RGL1: variants seen among roughly 807,000 people sequenced by gnomAD.
RGL1 encodes the protein ral guanine nucleotide dissociation stimulator-like 1.
In RGL1, 24 loss-of-function variants were observed where a neutral mutation model predicts 95.2. The ratio of observed to expected loss-of-function variants is 0.25; its 90% CI spans 0.18 to 0.35. The LOEUF (loss-of-function observed/expected upper bound fraction) is 0.35. Among genes scored for constraint, RGL1 ranks in the 10% least tolerant of loss-of-function variants. RGL1 has a pLI of 1.00. For synonymous variants in RGL1, 329 were observed against 344.9 expected, an observed-to-expected ratio of 0.95 and a Z score of 0.51; for missense variants, 715 against 936.3, an observed-to-expected ratio of 0.76 and a Z score of 3.08.
chr1:183,860,339 C>T (rs1298849220), intron 3 of RGL1, among the ~76,000 whole-genome samples: 1 of 152,168 alleles, frequency 6.6e-6, no homozygotes, highest in East Asian at 1.9e-4. Flanking sequence ...AGGCTCTATT[C>T]CAGGCTCAGT....
At chr1:183,865,608 A>G (rs771718348) in intron 3 of RGL1, among the ~76,000 whole-genome samples, 1 of 152,218 alleles carries the variant, frequency 6.6e-6, no homozygotes, top group African/African-American at 2.4e-5. Flanking sequence ...TGTCCCTTGC[A>G]TAGACATGCA....
chr1:183,905,144 A>T (rs907763335), intron 13 of RGL1, among the ~76,000 whole-genome samples, 173 bp downstream of exon 13: 2 of 152,220 alleles, frequency 1.3e-5, no homozygotes, highest in African/African-American at 4.8e-5. Flanking sequence ...AGTTGATAGC[A>T]TCAAGATGTA....
intron 6 of RGL1, among the ~76,000 whole-genome samples, chr1:183,884,435 A>G (rs1356757699): frequency 6.6e-6 from 1 of 152,184 alleles, no homozygotes; most frequent in Non-Finnish European, 1.5e-5. Context: ...TAGATGGTAA[A>G]TACAAGAGGA....
chr1:183,883,401 T>C (rs1666933044), intron 5 of RGL1, among the ~76,000 whole-genome samples: 1 of 152,212 alleles, frequency 6.6e-6, no homozygotes, highest in African/African-American at 2.4e-5. Flanking sequence ...TGGTTATAAG[T>C]CGCCCAGCAA....
At chr1:183,651,945 T>G (rs938548402) in intron 1 of RGL1, among the ~76,000 whole-genome samples, 5 of 152,220 alleles carry the variant, frequency 3.3e-5, no homozygotes, top group African/African-American at 1.2e-4. Context: ...GCCCAAACTT[T>G]CATGCTTTTT....
chr1:183,819,785 T>C (rs957541324), intron 2 of RGL1, among the ~76,000 whole-genome samples: 4 of 75,208 alleles, frequency 5.3e-5, no homozygotes, highest in African/African-American at 9.6e-5. Context: ...AACATTATAC[T>C]TTTTTTTTTT....
At chr1:183,771,510 G>A (rs1397183774) in intron 2 of RGL1, among the ~76,000 whole-genome samples, 1 of 152,206 alleles carries the variant, frequency 6.6e-6, no homozygotes, top group Non-Finnish European at 1.5e-5. Context: ...GTCAAGAGAA[G>A]CTTGACATCA....
At chr1:183,848,616 C>A (rs1465161407) in intron 3 of RGL1, among the ~76,000 whole-genome samples, 1 of 152,004 alleles carries the variant, frequency 6.6e-6, no homozygotes, top group Non-Finnish European at 1.5e-5. Context: ...TGTGCTCATG[C>A]TAAAAATTCT....
intron 16 of RGL1, among the ~76,000 whole-genome samples, chr1:183,919,649 C>T (rs543368168): frequency 1.3e-5 from 2 of 152,280 alleles, no homozygotes; most frequent in East Asian, 1.9e-4. Context: ...TGTAAAATTA[C>T]CTCCTCAGTG....
chr1:183,922,024 C>T (rs1669334324), intron 16 of RGL1, among the ~76,000 whole-genome samples, 198 bp from the exon 17 acceptor site: 1 of 152,180 alleles, frequency 6.6e-6, no homozygotes, highest in African/African-American at 2.4e-5. Flanking sequence ...AGGTGACTCG[C>T]CCATCATCTG....
intron 4 of RGL1, among the ~76,000 whole-genome samples, chr1:183,866,702 T>C (rs1409628835): frequency 2.0e-5 from 3 of 152,150 alleles, no homozygotes; most frequent in African/African-American, 7.2e-5. Flanking sequence ...CTGAGGAAGA[T>C]AAGAAGCGCT....
intron 3 of RGL1, among the ~76,000 whole-genome samples, chr1:183,859,805 C>A (rs1665392749): frequency 6.6e-6 from 1 of 152,188 alleles, no homozygotes; most frequent in African/African-American, 2.4e-5. Flanking sequence ...CTTTGTCTTT[C>A]CCCTTGAATA....
At chr1:183,854,631 A>G (rs114965757) in intron 3 of RGL1, among the ~76,000 whole-genome samples, 2 of 152,142 alleles carry the variant, frequency 1.3e-5, no homozygotes, top group Non-Finnish European at 2.9e-5. Context: ...TTTAGGATAC[A>G]TTATGGGAAA....
chr1:183,647,469 G>A (rs1348628532), intron 1 of RGL1: 18 of 651,352 alleles, frequency 2.8e-5, no homozygotes, highest in South Asian at 4.6e-5. Flanking sequence ...ATAAAGGAGA[G>A]AGATCAAGTT....
intron 1 of RGL1, among the ~76,000 whole-genome samples, chr1:183,671,974 C>T (rs970324184): frequency 6.6e-6 from 1 of 151,022 alleles, no homozygotes; most frequent in African/African-American, 2.4e-5. Context: ...GCTCTGTCAC[C>T]CAGGCTGGAG....
intron 1 of RGL1, among the ~76,000 whole-genome samples, chr1:183,701,405 A>G (rs1373294526): frequency 6.6e-6 from 1 of 152,156 alleles, no homozygotes; most frequent in African/African-American, 2.4e-5. Flanking sequence ...GGTGTGTTCC[A>G]TTTCCCTACC....
Position 183,848,109 on chromosome 1 carries a change from C to T in RGL1, c.347+335C>T, listed in dbSNP as rs147843123. ...ATTATTCAGTAAATAATCAGTTGAC[C>T]AAGAATTTTACTGGGATGTTGTGGG... On this transcript the variant is annotated intron_variant, in intron 3 of 17. Transcript: ENST00000360851. Among the ~76,000 whole-genome samples the T allele has an allele frequency of 9.7e-4, 148 of 152,008 alleles. 1 individual carries two copies. The highest frequency in any genetic ancestry group is 1.6e-3 in the Admixed American group (25 of 15,240).
At chr1:183,802,600 CAAAA>C (rs34038144), upstream of RGL1, among the ~76,000 whole-genome samples, 1 of 90,066 alleles carries the variant, frequency 1.1e-5, no homozygotes, top group Non-Finnish European at 2.2e-5. Flanking sequence ...GGTGTATCAG[CAAAA>C]AAAAAAAAAA....
chr1:183,779,677 T>A (rs1659796338), intron 2 of RGL1, among the ~76,000 whole-genome samples: 1 of 152,112 alleles, frequency 6.6e-6, no homozygotes, highest in Admixed American at 6.5e-5. Flanking sequence ...TGGGTCAAGG[T>A]GAGTGTGTGA....
Sources: gnomAD v4.1 joint callset for allele counts (sites outside exome capture counted in the v4.1 genomes callset) on GRCh38, gnomAD v4.1.1 for gene constraint, MANE v1.5 for transcripts, NCBI Gene and HGNC (gene_info 2026-07-23, HGNC 2026-07-21) for gene names.